The following HERC1 variants were observed in gnomAD, a reference collection of about 807,000 sequenced individuals.
HERC1 encodes probable E3 ubiquitin-protein ligase HERC1.
HERC1 carries 160 observed loss-of-function variants against 554.3 expected under a neutral mutation model. The ratio of observed to expected loss-of-function variants is 0.29; its 90% CI spans 0.25 to 0.33. The LOEUF is 0.33. Among genes scored for constraint, HERC1 ranks in the 10% least tolerant of loss-of-function variants. The pLI is 1.00. For missense variants in HERC1, 4,919 were observed against 5,918.5 expected, an observed-to-expected ratio of 0.83 and a Z score of 5.54; for synonymous variants, 2,175 against 2,131.7, an observed-to-expected ratio of 1.02 and a Z score of -0.56.
At chr15:63,744,645 A>C (rs1441659040) in intron 12 of HERC1, among the ~76,000 whole-genome samples, 1 of 152,188 alleles carries the variant, frequency 6.6e-6, no homozygotes. Context: ...GGCCACAAGG[A>C]GTATTGCCAG....
intron 2 of HERC1, among the ~76,000 whole-genome samples, chr15:63,773,270 C>A (rs1213252459): frequency 6.6e-6 from 1 of 151,622 alleles, no homozygotes; most frequent in Non-Finnish European, 1.5e-5. Flanking sequence ...ATGGTGAAAC[C>A]CCGTCTCTAC....
In HERC1 at chr15:63,755,319, C is replaced by A. The variant is rs372075398; in HGVS notation, c.1540G>T (p.Val514Phe). 6.2e-7 allele frequency: 1 copy of A among 1,612,242 alleles called. No homozygotes were observed. The highest frequency in any genetic ancestry group is 1.3e-5 in the African/African-American group (1 of 74,920). Residue 514 changes from valine to phenylalanine, a missense_variant, in exon 6 of 78, where the codon GTT becomes TTT. Transcript: ENST00000443617. The part of the protein sequence containing the change: ...IQGPLQGKVV[V>F]CVSAGYRHSA... ...TGTCTGTATCCAGCTGACACACAAACAACTACCTGCATTGCACACAAGTAA... is the reference window on the plus strand; with the variant it reads ...TGTCTGTATCCAGCTGACACACAAAAAACTACCTGCATTGCACACAAGTAA...
chr15:63,628,564 G>T, intron 70 of HERC1, 113 bp downstream of exon 70: 1 of 1,114,630 alleles, frequency 9.0e-7, no homozygotes, highest in Non-Finnish European at 1.2e-6. Flanking sequence ...GTGGCAGAAG[G>T]CTTGATGGTT....
At position 63,749,868 on chromosome 15, in the gene HERC1, A is replaced by G. The variant is rs1247188649; in HGVS notation, c.1903-77T>C. On this transcript the variant is annotated intron_variant, in intron 8 of 77. Transcript: ENST00000443617. This position sits in a 1 kb window ranked among gnomAD's most constrained non-coding sequence, Gnocchi z 4.1. Reference sequence around the variant, plus strand: ...TTGGCTTTAGGGATAAATGAAATCTATGAAACTAAAGTGTGGTTTGATAGT... The same window carrying G: ...TTGGCTTTAGGGATAAATGAAATCTGTGAAACTAAAGTGTGGTTTGATAGT... 1.8e-5 allele frequency: 22 copies of G among 1,209,662 alleles called. No individual in the cohort carries two copies. The highest frequency in any genetic ancestry group is 2.7e-5 in the East Asian group (1 of 37,156). 74.9% of individuals were successfully genotyped at this position (1,209,662 alleles called of 1,614,324 possible). A position where few individuals can be genotyped will look rare whatever the true frequency, so the allele number is the denominator to read the frequency against.
intron 19 of HERC1, among the ~76,000 whole-genome samples, chr15:63,720,103 C>CCTTTTTTTTTTTTTTTTTTT (rs2073747290): frequency 2.8e-5 from 2 of 71,608 alleles, no homozygotes; most frequent in African/African-American, 1.2e-4. Flanking sequence ...TTTTTCTTCC[C>CCTTTTTTTTTTTTTTTTTTT]TTTTTTTTTT....
chr15:63,787,659 G>C lies in HERC1; in HGVS notation c.-26-12010C>G, dbSNP rs553330359. Among the ~76,000 whole-genome samples the C allele has an allele frequency of 7.9e-5, 12 of 152,120 alleles. No homozygotes were observed. The South Asian group carries it at 2.5e-3, about 32-fold the overall frequency. On this transcript the variant is annotated intron_variant, in intron 1 of 77. Coordinates refer to ENST00000443617, the MANE Select transcript of HERC1 (RefSeq NM_003922.4). Reference sequence around the variant, plus strand: ...ACACATCTACAGTCCTAGCTACTTGGGAGGCTAAGGCAGGAGGATCACTTG... The same window carrying C: ...ACACATCTACAGTCCTAGCTACTTGCGAGGCTAAGGCAGGAGGATCACTTG...
chr15:63,786,823 T>C (rs1376440200), intron 1 of HERC1, among the ~76,000 whole-genome samples: 1 of 152,196 alleles, frequency 6.6e-6, no homozygotes. Context: ...CTAGAGACGG[T>C]AGTTGCACAA....
chr15:63,628,576 CACA>C (rs2068407614), intron 70 of HERC1, 98 bp downstream of exon 70: 1 of 1,259,126 alleles, frequency 7.9e-7, no homozygotes, highest in East Asian at 2.5e-5. Context: ...TTGATGGTTT[CACA>C]ACGATGCTGG....
At position 63,645,656 on chromosome 15, in the gene HERC1, G is replaced by T; in HGVS notation, c.10905C>A (p.Asp3635Glu). ...HKDTLISMKW[D>E]PTGHILMTCA... ...ATGTCATAAGAATATGACCTGTAGGGTCCCACTTCATGCTAATAAGAGTAT... is the reference window on the plus strand; with the variant it reads ...ATGTCATAAGAATATGACCTGTAGGTTCCCACTTCATGCTAATAAGAGTAT... The change falls in exon 56 of 78, where the codon GAC becomes GAA. Residue 3635 changes from aspartate (D) to glutamate (E), a missense_variant. By Grantham distance (45) the Asp-to-Glu change is conservative. Coordinates refer to ENST00000443617, the MANE Select transcript of HERC1 (RefSeq NM_003922.4). 6.3e-7 allele frequency: 1 copy of T among 1,597,596 alleles called. No individual in the cohort carries two copies. The highest frequency in any genetic ancestry group is 8.5e-7 in the Non-Finnish European group (1 of 1,173,250).
intron 52 of HERC1, 130 bp from the exon 53 acceptor site, chr15:63,651,510 C>CT: frequency 1.2e-6 from 1 of 836,158 alleles, no homozygotes. Context: ...AAAACCTTGG[C>CT]TAGCAGTATT....
chr15:63,645,711 C>A, intron 55 of HERC1, 29 bp from the exon 56 acceptor site: 2 of 1,320,910 alleles, frequency 1.5e-6, no homozygotes, highest in South Asian at 1.5e-5. Flanking sequence ...GAAAAAAAAT[C>A]AGAGTAATGT....
At chr15:63,812,744 G>A (rs2077369737) in intron 1 of HERC1, among the ~76,000 whole-genome samples, 1 of 150,878 alleles carries the variant, frequency 6.6e-6, no homozygotes, top group Non-Finnish European at 1.5e-5. Flanking sequence ...TTAACAAAAC[G>A]AACAGGATCT....
chr15:63,795,065 CAA>C (rs1177647525), intron 1 of HERC1, among the ~76,000 whole-genome samples: 1 of 68,970 alleles, frequency 1.4e-5, no homozygotes, highest in African/African-American at 6.3e-5. Flanking sequence ...GACTCTGTCT[CAA>C]AAAAAAAAAA....
chr15:63,827,034 C>T lies in HERC1; in HGVS notation c.-27+6793G>A, dbSNP rs180770156. 5.3e-3 allele frequency among the ~76,000 whole-genome samples: 802 copies of T among 151,752 alleles called. 6 individuals are homozygous for T. Among genetic ancestry groups the T allele is most frequent in the African/African-American group, 0.018 (731 of 41,378 alleles). On this transcript the variant is annotated intron_variant, in intron 1 of 77. Coordinates refer to ENST00000443617, the MANE Select transcript of HERC1 (RefSeq NM_003922.4). Reference sequence around the variant, plus strand: ...CGGTTCTAACGATACCAAAATACTACGCGCAAGGCTATTTACATAAGAAAC... The same window carrying T: ...CGGTTCTAACGATACCAAAATACTATGCGCAAGGCTATTTACATAAGAAAC...
At chr15:63,750,071 G>A (rs968410285) in intron 8 of HERC1, among the ~76,000 whole-genome samples, 13 of 152,084 alleles carry the variant, frequency 8.5e-5, no homozygotes, top group Non-Finnish European at 1.5e-4. Context: ...ACCACTAATC[G>A]GCTTGCAATT....
At chr15:63,707,921 T>G (rs549050095) in intron 24 of HERC1, among the ~76,000 whole-genome samples, 1 of 69,662 alleles carries the variant, frequency 1.4e-5, no homozygotes, top group Non-Finnish European at 2.5e-5. Context: ...AGAGCAAGAC[T>G]CCCTCTCAAA....
At chr15:63,662,132 C>G in intron 44 of HERC1, 111 bp from the exon 45 acceptor site, 1 of 1,124,754 alleles carries the variant, frequency 8.9e-7, no homozygotes, top group Admixed American at 2.9e-5. Context: ...AGAATATTTC[C>G]AACATGTTCA....
intron 15 of HERC1, 42 bp downstream of exon 15, chr15:63,729,455 A>G: frequency 6.3e-7 from 1 of 1,599,168 alleles, no homozygotes; most frequent in Non-Finnish European, 8.5e-7. Context: ...CTGAGTTTCA[A>G]GGTCCCTGAT....
intron 44 of HERC1, among the ~76,000 whole-genome samples, chr15:63,662,650 C>G (rs554068940): frequency 2.4e-4 from 37 of 152,304 alleles, no homozygotes; most frequent in Non-Finnish European, 4.3e-4. Flanking sequence ...GTGAGCACAG[C>G]AGCCATGTTA....
Sources: allele counts gnomAD v4.1 joint callset (sites outside exome capture counted in the v4.1 genomes callset), GRCh38; gene constraint gnomAD v4.1.1; non-coding constraint Gnocchi (gnomAD v3.1); transcripts MANE v1.5; gene names NCBI Gene and HGNC (gene_info 2026-07-23, HGNC 2026-07-21).